Variants in GPI observed in about 807,000 individuals in gnomAD.
GPI encodes D-hexose-6-phosphate anomerase.
A neutral mutation model predicts 75.8 loss-of-function variants in GPI; 56 were observed. That is an observed-to-expected ratio of 0.74 (90% confidence interval 0.60 to 0.92). GPI has a LOEUF of 0.92. Among genes scored for constraint, GPI ranks in the 40% least tolerant of loss-of-function variants. GPI has a pLI of 0.00. For missense variants in GPI, 638 were observed against 741.0 expected (o/e 0.86, Z 1.61); for synonymous variants, 288 against 285.4 (o/e 1.01, Z -0.09).
chr19:34,390,567 GC>G (rs2074807059), intron 9 of GPI, among the ~76,000 whole-genome samples: 1 of 152,052 alleles, frequency 6.6e-6, no homozygotes, highest in South Asian at 2.1e-4. Context: ...CAAGTATGAG[GC>G]CCTGGGTCTG....
rs1366717584 is a variant in GPI at position 34,393,195 on chromosome 19, TG to T, written c.805-47del. The T allele has an allele frequency of 1.0e-5, 14 of 1,381,960 alleles. No homozygotes were observed. Among genetic ancestry groups the T allele is most frequent in the Admixed American group, 1.7e-5 (1 of 59,602 alleles). 85.6% of individuals were successfully genotyped at this position (1,381,960 alleles called of 1,614,324 possible). A position where few individuals can be genotyped will look rare whatever the true frequency, so the allele number is the denominator to read the frequency against. On this transcript the variant is annotated intron_variant, in intron 9 of 17. Transcript: ENST00000356487. This position sits in a 1 kb window ranked among gnomAD's most constrained non-coding sequence, Gnocchi z 4.4. The stretch of plus-strand genomic sequence containing the variant: ...CAGGGACAGGGTTTCCGGCAGGAGG[TG>T]GGGGGCGGGGTGTGCCGGCCCTCCC...
chr19:34,382,042 A>G (rs982322660), intron 9 of GPI, among the ~76,000 whole-genome samples: 1 of 152,164 alleles, frequency 6.6e-6, no homozygotes, highest in East Asian at 1.9e-4. Context: ...CTCTGTAGCA[A>G]CAGGTGGTCC....
At chr19:34,359,732 C>T (rs892222970) in exon 1 of GPI, 1 of 152,928 alleles carries the variant, frequency 6.5e-6, no homozygotes, top group Non-Finnish European at 1.5e-5. Context: ...GTCCTCTGCC[C>T]CAGTCCCTCT....
chr19:34,373,674 G>A (rs554692923), intron 4 of GPI, among the ~76,000 whole-genome samples: 4 of 152,194 alleles, frequency 2.6e-5, no homozygotes, highest in East Asian at 1.9e-4. Context: ...AACAATCACC[G>A]TCTCTTTATG....
At position 34,401,370 on chromosome 19, in the gene GPI, A is replaced by G. The variant is rs1057511475; in HGVS notation, c.*1334A>G. 4 of 152,096 alleles carry G rather than the reference A, an allele frequency of 2.6e-5. No individual in the cohort carries two copies. The highest frequency in any genetic ancestry group is 9.7e-5 in the African/African-American group (4 of 41,404). 9.4% of individuals were successfully genotyped at this position (152,096 alleles called of 1,614,324 possible). A position where few individuals can be genotyped will look rare whatever the true frequency, so the allele number is the denominator to read the frequency against. ...GTAGCTGGGAGTACAGGCACCTGCC[A>G]CCATGCCCGGCTAATTTTTTATATA... On this transcript the variant is annotated 3_prime_UTR_variant, in exon 18 of 18. Transcript: ENST00000356487.
chr19:34,385,017 CAGTG>C (rs1305649388), intron 9 of GPI, among the ~76,000 whole-genome samples: 6 of 136,376 alleles, frequency 4.4e-5, no homozygotes, highest in African/African-American at 1.7e-4. Flanking sequence ...GCCTGGGTGA[CAGTG>C]AGACTATCTC....
At chr19:34,366,473 C>T (rs1481014226) in intron 2 of GPI, 38 bp downstream of exon 2, 1 of 1,424,878 alleles carries the variant, frequency 7.0e-7, no homozygotes, top group African/African-American at 1.4e-5. Context: ...TGGTAACCGA[C>T]AGAGTGGTGG....
At position 34,365,338 on chromosome 19, in the gene GPI, G is replaced by A; in HGVS notation, c.72G>A (p.Leu24=). ...QQWYREHRSE[L]NLRRLFDANK... is the part of the protein sequence containing the mutation. ...GGTACCGCGAGCACCGCTCCGAGCT[G>A]AACCTGCGCCGCCTCTTCGATGCCA... Residue 24 remains leucine (L), a synonymous_variant, in exon 1 of 18, where the codon CTG becomes CTA. Coordinates refer to ENST00000356487, the MANE Select transcript of GPI (RefSeq NM_000175.5). 6.3e-7 allele frequency: 1 copy of A among 1,591,882 alleles called. No individual in the cohort carries two copies. The highest frequency in any genetic ancestry group is 1.1e-5 in the South Asian group (1 of 89,258).
At chr19:34,360,705 C>G (rs1305310101), upstream of GPI, among the ~76,000 whole-genome samples, 1 of 152,202 alleles carries the variant, frequency 6.6e-6, no homozygotes, top group Non-Finnish European at 1.5e-5. Context: ...GGCAGGAGCA[C>G]AGGTCTCAGG....
chr19:34,366,230 C>T (rs2074362336), intron 1 of GPI, 115 bp from the exon 2 acceptor site: 1 of 779,200 alleles, frequency 1.3e-6, no homozygotes, highest in East Asian at 2.5e-5. Context: ...TGGCCGCGGC[C>T]CTTGTGGGGC....
At position 34,393,677 on chromosome 19, in the gene GPI, C is replaced by T. The variant is rs1189865663; in HGVS notation, c.866-51C>T. The T allele has an allele frequency of 3.8e-6, 6 of 1,584,096 alleles. No homozygotes were observed. The highest frequency in any genetic ancestry group is 4.3e-6 in the Non-Finnish European group (5 of 1,153,436). ...TGCAGAAGGAGCTGTGCCCACTGCC[C>T]ACAGGACGCAGGGTGTGGCCACTTC... On this transcript the variant is annotated intron_variant, in intron 10 of 17. Transcript: ENST00000356487. The surrounding 1 kb of genome is among the most constrained non-coding windows in gnomAD (Gnocchi z 4.4).
chr19:34,402,033 TCTC>T lies in GPI; in HGVS notation c.*2000_*2002del, dbSNP rs2075029803. 1 of 151,730 alleles carries T rather than the reference TCTC, an allele frequency of 6.6e-6. No individual in the cohort carries two copies. The highest frequency in any genetic ancestry group is 2.1e-4 in the South Asian group (1 of 4,806). 9.4% of individuals were successfully genotyped at this position (151,730 alleles called of 1,614,324 possible). A position where few individuals can be genotyped will look rare whatever the true frequency, so the allele number is the denominator to read the frequency against. On this transcript the variant is annotated 3_prime_UTR_variant, in exon 18 of 18. Coordinates refer to ENST00000356487, the MANE Select transcript of GPI (RefSeq NM_000175.5). Reference sequence around the variant, plus strand: ...ACCGTGTTAGCCAGGATGGTCTTGATCTCCTGACCTCATGATCCGCCTGCTTTG... The same window carrying T: ...ACCGTGTTAGCCAGGATGGTCTTGATCTGACCTCATGATCCGCCTGCTTTG...
intron 9 of GPI, among the ~76,000 whole-genome samples, chr19:34,381,945 A>G (rs1215736912): frequency 1.3e-5 from 2 of 152,140 alleles, no homozygotes; most frequent in African/African-American, 2.4e-5. Flanking sequence ...GAGCTGCAGG[A>G]GGAGCTGGGG....
rs2075000740 is a variant in GPI at position 34,400,049 on chromosome 19, C to G, written c.*13C>G. The G allele has an allele frequency of 6.2e-7, 1 of 1,608,372 alleles. No homozygotes were observed. The highest frequency in any genetic ancestry group is 8.5e-7 in the Non-Finnish European group (1 of 1,179,740). ...CAGAGTCCAATAAACTCGTGCTCATCTGCAGCCTCCTCTGTGACTCCCCTT... is the reference window on the plus strand; with the variant it reads ...CAGAGTCCAATAAACTCGTGCTCATGTGCAGCCTCCTCTGTGACTCCCCTT... On this transcript the variant is annotated 3_prime_UTR_variant, in exon 18 of 18. Transcript: ENST00000356487.
chr19:34,393,531 T>A lies in GPI; in HGVS notation c.866-197T>A. Reference sequence around the variant, plus strand: ...CCCCTCACAACTGCAGTCCTGTTTCTCTCCTATCCTAGGCAGAGTCAGATC... The same window carrying A: ...CCCCTCACAACTGCAGTCCTGTTTCACTCCTATCCTAGGCAGAGTCAGATC... On this transcript the variant is annotated intron_variant, in intron 10 of 17. Coordinates refer to ENST00000356487, the MANE Select transcript of GPI (RefSeq NM_000175.5). The surrounding 1 kb of genome is among the most constrained non-coding windows in gnomAD (Gnocchi z 4.4). 1 of 707,868 alleles carries A rather than the reference T, an allele frequency of 1.4e-6. No homozygotes were observed. Among genetic ancestry groups the A allele is most frequent in the East Asian group, 2.7e-5 (1 of 37,222 alleles). 43.8% of individuals were successfully genotyped at this position (707,868 alleles called of 1,614,324 possible).
chr19:34,365,585 C>T (rs776487282), intron 1 of GPI, 197 bp downstream of exon 1: 3 of 925,680 alleles, frequency 3.2e-6, no homozygotes. Context: ...CTTGCAGCCT[C>T]GCCGGGAGTC....
chr19:34,378,456 G>A (rs2074585236), intron 6 of GPI, among the ~76,000 whole-genome samples: 1 of 152,010 alleles, frequency 6.6e-6, no homozygotes, highest in Non-Finnish European at 1.5e-5. Context: ...CTCAGGTGAT[G>A]CACCCCCCCT....
At chr19:34,399,083 A>G in intron 14 of GPI, 124 bp from the exon 15 acceptor site, 1 of 813,564 alleles carries the variant, frequency 1.2e-6, no homozygotes, top group Non-Finnish European at 1.9e-6. Flanking sequence ...CCTCGCTCCA[A>G]CTGAGCTGTA....
At chr19:34,379,375 C>T (rs910985138) in intron 7 of GPI, 143 bp from the exon 8 acceptor site, 24 of 826,638 alleles carry the variant, frequency 2.9e-5, no homozygotes, top group African/African-American at 8.3e-5. Context: ...ACCTTGACCT[C>T]GATGTGGGCC....
Sources: gnomAD v4.1 joint callset for allele counts (sites outside exome capture counted in the v4.1 genomes callset) on GRCh38, gnomAD v4.1.1 for gene constraint, Gnocchi (gnomAD v3.1) non-coding constraint, MANE v1.5 for transcripts, NCBI Gene and HGNC (gene_info 2026-07-23, HGNC 2026-07-21) for gene names.